The following LOXHD1 variants were observed in gnomAD, a reference collection of about 807,000 sequenced individuals.
LOXHD1 encodes the protein lipoxygenase homology PLAT domains 1.
In LOXHD1, 205 loss-of-function variants were observed where a neutral mutation model predicts 248.2. The ratio of observed to expected loss-of-function variants is 0.83; its 90% CI spans 0.74 to 0.93. The LOEUF (loss-of-function observed/expected upper bound fraction) is 0.93, where lower values mean the gene tolerates loss of function less well. Ranked by LOEUF, LOXHD1 falls within the 40% of genes least tolerant of loss-of-function variation. The probability of loss-of-function intolerance (pLI) is 0.00; values close to 1 mark genes in which losing one functional copy is unlikely to be tolerated. For missense variants in LOXHD1, 2,930 were observed against 2,971.6 expected, an observed-to-expected ratio of 0.99 and a Z score of 0.33; for synonymous variants, 1,113 against 1,162.8, an observed-to-expected ratio of 0.96 and a Z score of 0.87.
chr18:46,612,887 C>T lies in LOXHD1; in HGVS notation c.611-1963G>A, dbSNP rs2144316400. 1.3e-5 allele frequency among the ~76,000 whole-genome samples: 2 copies of T among 152,168 alleles called. 1 individual carries two copies. The highest frequency in any genetic ancestry group is 4.1e-4 in the South Asian group (2 of 4,824). On this transcript the variant is annotated intron_variant, in intron 5 of 40. Coordinates refer to ENST00000642948, the MANE Select transcript of LOXHD1 (RefSeq NM_001384474.1). ...CATCTTTTCCTTCTGATTTACAATG[C>T]CAACTCTATGTGTGCTTCTAGACTC...
At chr18:46,617,209 A>G in intron 5 of LOXHD1, among the ~76,000 whole-genome samples, 1 of 152,206 alleles carries the variant, frequency 6.6e-6, no homozygotes, top group East Asian at 1.9e-4. Context: ...TAAGGTATCA[A>G]TTTCTCAGTA....
chr18:46,597,483 T>C (rs1456439225), intron 8 of LOXHD1, among the ~76,000 whole-genome samples: 1 of 151,570 alleles, frequency 6.6e-6, no homozygotes, highest in African/African-American at 2.4e-5. Flanking sequence ...AAAGCAAAAA[T>C]TGTTCTACAA....
chr18:46,565,570 G>T (rs1221924736), intron 17 of LOXHD1, among the ~76,000 whole-genome samples: 1 of 152,184 alleles, frequency 6.6e-6, no homozygotes, highest in African/African-American at 2.4e-5. Flanking sequence ...CTCAGTATCT[G>T]CAGGGACAGG....
intron 34 of LOXHD1, 44 bp downstream of exon 34, chr18:46,518,085 G>A (rs1598898305): frequency 6.5e-7 from 1 of 1,548,530 alleles, no homozygotes; most frequent in Non-Finnish European, 8.7e-7. Context: ...GAGGGGGAGA[G>A]TTGAATGTGG....
Position 46,557,462 on chromosome 18 carries a change from C to G in LOXHD1, c.3244G>C (p.Asp1082His), listed in dbSNP as rs2037390117. The G allele has an allele frequency of 6.4e-7, 1 of 1,551,888 alleles. No individual in the cohort carries two copies. Among genetic ancestry groups the G allele is most frequent in the African/African-American group, 1.4e-5 (1 of 73,038 alleles). ...QTDTFTIYAIDLGALTKIRIR... is the reference protein window; with the variant it reads ...QTDTFTIYAIHLGALTKIRIR... The stretch of plus-strand genomic sequence containing the variant: ...CGAATCTTGGTCAGGGCCCCCAGGT[C>G]AATGGCATAGATGGTGAAGGTGTCT... Residue 1082 changes from aspartate to histidine, a missense_variant, in exon 21 of 41, where the codon GAC becomes CAC. Coordinates refer to ENST00000642948, the MANE Select transcript of LOXHD1 (RefSeq NM_001384474.1).
At chr18:46,510,172 G>A (rs1257442597) in intron 34 of LOXHD1, among the ~76,000 whole-genome samples, 1 of 152,178 alleles carries the variant, frequency 6.6e-6, no homozygotes, top group Non-Finnish European at 1.5e-5. Context: ...AAACTGTGAT[G>A]GAGACCAAAT....
chr18:46,507,811 G>A, intron 35 of LOXHD1, 99 bp from the exon 36 acceptor site: 2 of 1,307,430 alleles, frequency 1.5e-6, no homozygotes, highest in Non-Finnish European at 2.1e-6. Flanking sequence ...CAACCCTGGA[G>A]ATCCCAGACC....
At chr18:46,500,801 C>A (rs1046651413) in intron 37 of LOXHD1, among the ~76,000 whole-genome samples, 1 of 152,064 alleles carries the variant, frequency 6.6e-6, no homozygotes, top group Non-Finnish European at 1.5e-5. Context: ...TGTTTTAGGG[C>A]TTTTATATTT....
rs868705338 is a variant in LOXHD1 at position 46,522,208 on chromosome 18, T to C, written c.4978A>G (p.Lys1660Glu). Residue 1660 changes from lysine (K) to glutamate (E), a missense_variant, in exon 32 of 41, where the codon AAG becomes GAG. Lys to Glu is a moderately conservative substitution (Grantham distance 56). Transcript: ENST00000642948. Reference protein sequence around the residue: ...FLIGEDDERSKRIWLDYPRGK... With the variant: ...FLIGEDDERSERIWLDYPRGK... ...CGGGGGTAGTCCAACCAGATGCGCTTACTACGTTCATCATCCTCCCCGATG... is the reference window on the plus strand; with the variant it reads ...CGGGGGTAGTCCAACCAGATGCGCTCACTACGTTCATCATCCTCCCCGATG... The C allele has an allele frequency of 3.5e-5, 55 of 1,551,784 alleles. No homozygotes were observed. The Middle Eastern group carries it at 2.0e-3, about 57-fold the overall frequency.
chr18:46,558,946 A>T, intron 20 of LOXHD1: 1 of 397,884 alleles, frequency 2.5e-6, no homozygotes, highest in South Asian at 1.9e-5. Flanking sequence ...CACCGACCAC[A>T]GCTCAGCTGG....
At chr18:46,625,584 C>T (rs2038730638) in intron 4 of LOXHD1, among the ~76,000 whole-genome samples, 1 of 152,154 alleles carries the variant, frequency 6.6e-6, no homozygotes, top group African/African-American at 2.4e-5. Flanking sequence ...TCCTGGGCCA[C>T]ATGCAGCCTG....
rs1598957046 is a variant in LOXHD1 at position 46,541,906 on chromosome 18, C to T, written c.3783G>A (p.Glu1261=). The T allele has an allele frequency of 1.3e-6, 2 of 1,551,724 alleles. No individual in the cohort carries two copies. The highest frequency in any genetic ancestry group is 1.7e-6 in the Non-Finnish European group (2 of 1,146,992). The part of the protein sequence containing the change: ...KAPGWFVDWV[E]VDAPSLGKCM... Reference sequence around the variant, plus strand: ...ACTTCCCAAGAGATGGGGCATCCACCTCTACCCAGTCTACAAACCAGCCTG... The same window carrying T: ...ACTTCCCAAGAGATGGGGCATCCACTTCTACCCAGTCTACAAACCAGCCTG... Residue 1261 remains glutamate (E), a synonymous_variant, in exon 25 of 41, where the codon GAG becomes GAA. Transcript: ENST00000642948.
At chr18:46,646,050 G>A (rs1200854966) in intron 2 of LOXHD1, among the ~76,000 whole-genome samples, 1 of 152,216 alleles carries the variant, frequency 6.6e-6, no homozygotes, top group Non-Finnish European at 1.5e-5. Context: ...GGGGCCAGGG[G>A]CTATCAGTGA....
chr18:46,503,748 T>C (rs968013651), intron 37 of LOXHD1, among the ~76,000 whole-genome samples: 2 of 152,206 alleles, frequency 1.3e-5, no homozygotes, highest in Non-Finnish European at 2.9e-5. Context: ...AAGAGTTCCC[T>C]TCCACTGCAT....
At chr18:46,644,787 A>G (rs929016423) in intron 2 of LOXHD1, among the ~76,000 whole-genome samples, 8 of 152,154 alleles carry the variant, frequency 5.3e-5, no homozygotes, top group African/African-American at 1.7e-4. Context: ...GAACGTGAAT[A>G]CATACGTTCC....
intron 6 of LOXHD1, 66 bp from the exon 7 acceptor site, chr18:46,604,295 T>A (rs2038381677): frequency 6.5e-7 from 1 of 1,531,388 alleles, no homozygotes; most frequent in Non-Finnish European, 8.8e-7. Context: ...GGAGATCTAA[T>A]CCAATCTTCC....
chr18:46,546,970 C>T lies in LOXHD1; in HGVS notation c.3439G>A (p.Val1147Met). 1 of 1,551,758 alleles carries T rather than the reference C, an allele frequency of 6.4e-7. No individual in the cohort carries two copies. Among genetic ancestry groups the T allele is most frequent in the Non-Finnish European group, 8.7e-7 (1 of 1,146,994 alleles). ...RELLPVDESY[V>M]LPQSEEGRGG... ...CTACCCTCCTCGCTCTGTGGCAGCA[C>T]ATAGGACTCATCCACTGGCAACAGC... Residue 1147 changes from valine to methionine, a missense_variant, in exon 22 of 41, where the codon GTG becomes ATG. By Grantham distance (21) the Val-to-Met change is conservative (BLOSUM62 1). Coordinates refer to ENST00000642948, the MANE Select transcript of LOXHD1 (RefSeq NM_001384474.1).
rs1218449677 is a variant in LOXHD1 at position 46,546,851 on chromosome 18, G to A, written c.3514+44C>T. 3 of 1,527,760 alleles carry A rather than the reference G, an allele frequency of 2.0e-6. No individual in the cohort carries two copies. In the African/African-American group the frequency reaches 4.1e-5, roughly 21 times the overall value. 94.6% of individuals were successfully genotyped at this position (1,527,760 alleles called of 1,614,324 possible). On this transcript the variant is annotated intron_variant, in intron 22 of 40. Coordinates refer to ENST00000642948, the MANE Select transcript of LOXHD1 (RefSeq NM_001384474.1). ...AGACTTAGGGTTAGGGAGAGGCAGA[G>A]GGGAGGGGTGCTGGAGAAAGAAATC...
intron 4 of LOXHD1, among the ~76,000 whole-genome samples, chr18:46,624,437 T>C (rs1003292914): frequency 5.9e-5 from 9 of 152,152 alleles, no homozygotes; most frequent in African/African-American, 2.2e-4. Flanking sequence ...AACCCAAGGA[T>C]GGGCAGGGGG....
Sources: allele counts gnomAD v4.1 joint callset (sites outside exome capture counted in the v4.1 genomes callset), GRCh38; gene constraint gnomAD v4.1.1; transcripts MANE v1.5; gene names NCBI Gene and HGNC (gene_info 2026-07-23, HGNC 2026-07-21).